Variants in MACROD2 observed in about 807,000 individuals in gnomAD.
MACROD2 encodes the protein mono-ADP ribosylhydrolase 2.
MACROD2 carries 36 observed loss-of-function variants against 70.4 expected under a neutral mutation model. That is an observed-to-expected ratio of 0.51 (90% confidence interval 0.39 to 0.68). The LOEUF is 0.68. MACROD2 is among the 30% of genes least tolerant of loss of function. The probability of loss-of-function intolerance (pLI) is 0.00; values close to 1 mark genes in which losing one functional copy is unlikely to be tolerated. For synonymous variants in MACROD2, 172 were observed against 178.8 expected, an observed-to-expected ratio of 0.96 and a Z score of 0.30; for missense variants, 496 against 538.4, an observed-to-expected ratio of 0.92 and a Z score of 0.78.
At chr20:14,180,255 A>G (rs2081295451) in intron 3 of MACROD2, among the ~76,000 whole-genome samples, 1 of 152,116 alleles carries the variant, frequency 6.6e-6, no homozygotes, top group Non-Finnish European at 1.5e-5. Context: ...ATTATAGCTG[A>G]ATTTCTACTG....
intron 6 of MACROD2, among the ~76,000 whole-genome samples, chr20:15,328,143 C>G (rs1196248355): frequency 6.6e-6 from 1 of 151,864 alleles, no homozygotes; most frequent in Non-Finnish European, 1.5e-5. Context: ...TAGGACAGGC[C>G]TCATTAGGAA....
chr20:14,179,009 CA>C (rs1569193373), intron 3 of MACROD2, among the ~76,000 whole-genome samples: 3 of 152,096 alleles, frequency 2.0e-5, no homozygotes, highest in South Asian at 2.1e-4. Flanking sequence ...CATAGGCTAG[CA>C]AAAAACCAAA....
intron 3 of MACROD2, among the ~76,000 whole-genome samples, chr20:14,272,987 C>T (rs910001169): frequency 3.3e-5 from 5 of 151,604 alleles, no homozygotes; most frequent in African/African-American, 1.2e-4. Context: ...CACCCAGATT[C>T]ATAAAGCAAG....
chr20:14,495,835 C>G (rs866397497), intron 4 of MACROD2, among the ~76,000 whole-genome samples: 1 of 151,980 alleles, frequency 6.6e-6, no homozygotes, highest in African/African-American at 2.4e-5. Context: ...CAATTTGTCA[C>G]GATTTATAAT....
At chr20:15,927,887 A>T (rs960206709) in intron 10 of MACROD2, among the ~76,000 whole-genome samples, 9 of 152,102 alleles carry the variant, frequency 5.9e-5, no homozygotes, top group Non-Finnish European at 1.2e-4. Flanking sequence ...TGAGAAAAAT[A>T]GGTGTTTGCA....
intron 8 of MACROD2, among the ~76,000 whole-genome samples, chr20:15,602,941 TA>T (rs5840673): frequency 0.54 from 81,259 of 150,030 alleles, 23,757 homozygotes; most frequent in African/African-American, 0.8. Context: ...CCCATTTTCT[TA>T]AAAAAAAAAA....
chr20:15,131,384 A>C (rs1232691536), intron 5 of MACROD2, among the ~76,000 whole-genome samples: 5 of 152,144 alleles, frequency 3.3e-5, no homozygotes, highest in Non-Finnish European at 7.4e-5. Flanking sequence ...GCACCAAATT[A>C]ATATAAAGAT....
intron 5 of MACROD2, among the ~76,000 whole-genome samples, chr20:14,743,139 G>A (rs1300303675): frequency 6.6e-6 from 1 of 152,080 alleles, no homozygotes; most frequent in Non-Finnish European, 1.5e-5. Flanking sequence ...TTTTTTAAAA[G>A]ATAGCTAATT....
At chr20:14,342,513 G>A (rs963842572) in intron 3 of MACROD2, among the ~76,000 whole-genome samples, 2 of 152,268 alleles carry the variant, frequency 1.3e-5, no homozygotes, top group East Asian at 1.9e-4. Context: ...CCTATAGGAT[G>A]TTAATAAAAT....
intron 5 of MACROD2, among the ~76,000 whole-genome samples, chr20:15,201,336 A>C (rs1171025715): frequency 6.6e-6 from 1 of 152,182 alleles, no homozygotes; most frequent in African/African-American, 2.4e-5. Context: ...TTAATTTGAC[A>C]CATAAGTTTT....
chr20:15,626,018 G>A (rs1160611025), intron 8 of MACROD2, among the ~76,000 whole-genome samples: 1 of 152,002 alleles, frequency 6.6e-6, no homozygotes, highest in Non-Finnish European at 1.5e-5. Context: ...GCTCTTGGGC[G>A]AGTCACCTTA....
intron 5 of MACROD2, among the ~76,000 whole-genome samples, chr20:15,114,555 A>T (rs956403947): frequency 6.6e-5 from 10 of 152,288 alleles, no homozygotes; most frequent in African/African-American, 1.9e-4. Flanking sequence ...AGCCTGGAAG[A>T]GAACTCCAAG....
chr20:14,826,626 C>T (rs190411560), intron 5 of MACROD2, among the ~76,000 whole-genome samples: 2 of 152,168 alleles, frequency 1.3e-5, no homozygotes, highest in Non-Finnish European at 2.9e-5. Context: ...CCAAAGGCTT[C>T]GTTCAGGGAC....
At chr20:15,721,674 G>T (rs2050789636) in intron 8 of MACROD2, among the ~76,000 whole-genome samples, 1 of 151,796 alleles carries the variant, frequency 6.6e-6, no homozygotes, top group South Asian at 2.1e-4. Context: ...CATATTTTAG[G>T]GAAATTTTCT....
chr20:15,121,513 CAAAAAAA>C (rs5840653), intron 5 of MACROD2, among the ~76,000 whole-genome samples: 1 of 122,056 alleles, frequency 8.2e-6, no homozygotes, highest in Admixed American at 8.7e-5. Context: ...AACTCTGCCT[CAAAAAAA>C]AAAAAAAAAA....
intron 3 of MACROD2, among the ~76,000 whole-genome samples, chr20:14,450,398 G>A (rs1171555125): frequency 3.9e-5 from 6 of 152,022 alleles, no homozygotes; most frequent in Non-Finnish European, 8.8e-5. Flanking sequence ...AACAAATAAT[G>A]TGTTCATATT....
chr20:15,075,731 A>G (rs2075652345), intron 5 of MACROD2, among the ~76,000 whole-genome samples: 2 of 152,138 alleles, frequency 1.3e-5, no homozygotes, highest in African/African-American at 4.8e-5. Flanking sequence ...CCAGTTCTGA[A>G]TCAAGCTCTG....
chr20:16,028,558 TA>T (rs1282311439), intron 15 of MACROD2, among the ~76,000 whole-genome samples: 1 of 152,230 alleles, frequency 6.6e-6, no homozygotes, highest in East Asian at 1.9e-4. Flanking sequence ...CACCCTCAGC[TA>T]TCATCACTGC....
In MACROD2 at chr20:14,657,993, G is replaced by GA. The variant is rs143996689; in HGVS notation, c.302-26847dup. On this transcript the variant is annotated intron_variant, in intron 4 of 17. Transcript: ENST00000684519. ...ATAGTTAAAAAAAAAAAAAAAAGAC[G>GA]AAAGATTGTTAAGTACCTGATAATT... Among the ~76,000 whole-genome samples, 1,152 of 148,200 alleles carry GA rather than the reference G, an allele frequency of 7.8e-3. 13 individuals are homozygous for GA. The highest frequency in any genetic ancestry group is 0.028 in the African/African-American group (1,113 of 40,256).
Sources: allele counts gnomAD v4.1 joint callset (sites outside exome capture counted in the v4.1 genomes callset), GRCh38; gene constraint gnomAD v4.1.1; transcripts MANE v1.5; gene names NCBI Gene and HGNC (gene_info 2026-07-23, HGNC 2026-07-21).